The following STX8 variants were observed in gnomAD, a reference collection of about 807,000 sequenced individuals.
STX8 encodes the protein syntaxin-8.
In STX8, 23 loss-of-function variants were observed where a neutral mutation model predicts 37.5. The observed-to-expected ratio is 0.61, with a 90% CI of 0.44 to 0.87. STX8 has a LOEUF of 0.87. Among genes scored for constraint, STX8 ranks in the 40% least tolerant of loss-of-function variants. STX8 has a pLI of 0.00. For synonymous variants in STX8, 115 were observed against 99.1 expected (o/e 1.16, Z -0.95); for missense variants, 313 against 284.7 (o/e 1.10, Z -0.71).
chr17:9,403,131 A>C (rs1041446147), intron 6 of STX8, among the ~76,000 whole-genome samples: 1 of 152,158 alleles, frequency 6.6e-6, no homozygotes, highest in African/African-American at 2.4e-5. Flanking sequence ...TGGACCAAGG[A>C]GATAAAGGAA....
At chr17:9,387,718 T>C (rs1457052568) in intron 6 of STX8, among the ~76,000 whole-genome samples, 2 of 152,206 alleles carry the variant, frequency 1.3e-5, no homozygotes, top group African/African-American at 4.8e-5. Context: ...CGCAACCGAA[T>C]ACAATCAGTA....
chr17:9,483,717 C>T (rs772260269), intron 6 of STX8, among the ~76,000 whole-genome samples: 7 of 152,120 alleles, frequency 4.6e-5, no homozygotes, highest in African/African-American at 7.2e-5. Flanking sequence ...TCAAAGGACA[C>T]GCTGGTCTCC....
chr17:9,471,381 G>A (rs531980290), intron 6 of STX8, among the ~76,000 whole-genome samples: 3 of 151,928 alleles, frequency 2.0e-5, no homozygotes, highest in South Asian at 2.1e-4. Context: ...TCGAACTCCT[G>A]ACCTCATGAT....
intron 6 of STX8, among the ~76,000 whole-genome samples, chr17:9,486,605 C>G (rs1938611250): frequency 6.6e-6 from 1 of 152,100 alleles, no homozygotes; most frequent in Admixed American, 6.5e-5. Context: ...AGTCCCAATA[C>G]TTTGGGAGGC....
At chr17:9,541,045 G>C (rs1906257559) in intron 4 of STX8, among the ~76,000 whole-genome samples, 1 of 152,122 alleles carries the variant, frequency 6.6e-6, no homozygotes. Context: ...GGACCCAAGA[G>C]GTCCTCAGAA....
chr17:9,275,725 G>A (rs543358736), intron 7 of STX8, among the ~76,000 whole-genome samples: 13 of 152,002 alleles, frequency 8.6e-5, no homozygotes, highest in Admixed American at 2.6e-4. Context: ...AAAATTAGCC[G>A]GGCATGGTGG....
chr17:9,483,707 T>C lies in STX8; in HGVS notation c.541+8122A>G, dbSNP rs73973778. ...AGCACAGTCATATTTTCTAGCACGT[T>C]CAAAGGACACGCTGGTCTCCTCAAT... On this transcript the variant is annotated intron_variant, in intron 6 of 7. Coordinates refer to ENST00000306357, the MANE Select transcript of STX8 (RefSeq NM_004853.3). 4.6e-3 allele frequency among the ~76,000 whole-genome samples: 693 copies of C among 152,270 alleles called. 8 individuals are homozygous for C. The highest frequency in any genetic ancestry group is 0.016 in the African/African-American group (666 of 41,550).
Position 9,327,949 on chromosome 17 carries a change from TCTCCTTCCTTCTTTCCTTCTCC to T in STX8, c.643+50581_643+50602del, listed in dbSNP as rs368671793. On this transcript the variant is annotated intron_variant, in intron 7 of 7. Transcript: ENST00000306357. ...CTTCTGTCCTTCCTTCCTTCCTCCC[TCTCCTTCCTTCTTTCCTTCTCC>T]CTCCTTCCTTCCTTCTTTTGTCTCT... is the stretch of plus-strand genomic sequence containing the variant. Among the ~76,000 whole-genome samples the T allele has an allele frequency of 2.1e-3, 286 of 137,934 alleles. 4 individuals carry two copies. The highest frequency in any genetic ancestry group is 6.8e-3 in the African/African-American group (253 of 37,374). The allele number at this position is 137,934 out of a possible 152,430, so 90.5% of individuals were successfully genotyped here.
At chr17:9,434,107 A>G (rs1334287259) in intron 6 of STX8, among the ~76,000 whole-genome samples, 1 of 152,022 alleles carries the variant, frequency 6.6e-6, no homozygotes, top group Admixed American at 6.6e-5. Flanking sequence ...AGGTTCAAGC[A>G]ATTCTCCTGC....
At chr17:9,476,220 G>A (rs1276817298) in intron 6 of STX8, among the ~76,000 whole-genome samples, 1 of 152,038 alleles carries the variant, frequency 6.6e-6, no homozygotes, top group Non-Finnish European at 1.5e-5. Flanking sequence ...TACAAAGAAA[G>A]CCTATTGCAG....
rs1567769200 is a variant in STX8 at position 9,288,144 on chromosome 17, A to AAAC, written c.644-37500_644-37499insGTT. On this transcript the variant is annotated intron_variant, in intron 7 of 7. Coordinates refer to ENST00000306357, the MANE Select transcript of STX8 (RefSeq NM_004853.3). The stretch of plus-strand genomic sequence containing the variant: ...CAAAACAAACAAACAAACAAACAAA[A>AAAC]AAAAAAAAAACCAAAAACAAAAAAC... 1.1e-3 allele frequency among the ~76,000 whole-genome samples: 46 copies of AAAC among 42,778 alleles called. 1 individual carries two copies. The highest frequency in any genetic ancestry group is 1.5e-3 in the Non-Finnish European group (38 of 25,498). The allele number at this position is 42,778 out of a possible 152,430, so 28.1% of individuals were successfully genotyped here. A position where few individuals can be genotyped will look rare whatever the true frequency, so the allele number is the denominator to read the frequency against.
At chr17:9,301,566 T>C (rs977610556) in intron 7 of STX8, among the ~76,000 whole-genome samples, 17 of 151,850 alleles carry the variant, frequency 1.1e-4, no homozygotes, top group African/African-American at 3.1e-4. Context: ...CACTGCAAGC[T>C]CCACCTCCCG....
chr17:9,480,540 G>A (rs562117525), intron 6 of STX8, among the ~76,000 whole-genome samples: 1 of 152,122 alleles, frequency 6.6e-6, no homozygotes, highest in South Asian at 2.1e-4. Flanking sequence ...GAAAGTACAG[G>A]TGACTCTCTA....
At chr17:9,522,804 T>C (rs554105527) in intron 4 of STX8, among the ~76,000 whole-genome samples, 1 of 151,992 alleles carries the variant, frequency 6.6e-6, no homozygotes, top group South Asian at 2.1e-4. Context: ...GAAAGGTTGG[T>C]TAAGGGAGAC....
chr17:9,301,231 AGT>A (rs1474054654), intron 7 of STX8, among the ~76,000 whole-genome samples: 2 of 152,148 alleles, frequency 1.3e-5, no homozygotes, highest in East Asian at 3.8e-4. Flanking sequence ...ATGATAATAC[AGT>A]GTGTGTCCTT....
At chr17:9,454,383 T>G (rs1376726293) in intron 6 of STX8, among the ~76,000 whole-genome samples, 1 of 152,132 alleles carries the variant, frequency 6.6e-6, no homozygotes, top group African/African-American at 2.4e-5. Context: ...AATTTAAAAC[T>G]TATGGGCCGG....
chr17:9,481,209 T>C (rs2142454592), intron 6 of STX8, among the ~76,000 whole-genome samples: 1 of 152,232 alleles, frequency 6.6e-6, no homozygotes, highest in African/African-American at 2.4e-5. Flanking sequence ...AAAAGACTGC[T>C]TGACCCATAA....
chr17:9,294,370 C>T (rs74836453), intron 7 of STX8, among the ~76,000 whole-genome samples: 169 of 152,340 alleles, frequency 1.1e-3, no homozygotes, highest in African/African-American at 3.9e-3. Flanking sequence ...CTCAATGGCT[C>T]AGGAAAGCTG....
At chr17:9,384,629 G>C (rs754716815) in intron 6 of STX8, among the ~76,000 whole-genome samples, 11 of 151,756 alleles carry the variant, frequency 7.2e-5, no homozygotes, top group Non-Finnish European at 1.2e-4. Flanking sequence ...AACAGAGCGA[G>C]ACTCCATCTC....
Sources: gnomAD v4.1 joint callset for allele counts (sites outside exome capture counted in the v4.1 genomes callset) on GRCh38, gnomAD v4.1.1 for gene constraint, MANE v1.5 for transcripts, NCBI Gene and HGNC (gene_info 2026-07-23, HGNC 2026-07-21) for gene names.